The following MGMT variants were observed in gnomAD, a reference collection of about 807,000 sequenced individuals.
The protein encoded by MGMT is methylated-DNA--protein-cysteine methyltransferase.
Under a neutral mutation model 15.9 loss-of-function variants are expected in MGMT, and 14 were observed. That is an observed-to-expected ratio of 0.88 (90% confidence interval 0.58 to 1.37). MGMT has a LOEUF of 1.37. Among genes scored for constraint, MGMT ranks in the 40% most tolerant of loss-of-function variants. MGMT has a pLI of 0.00. For missense variants in MGMT, 282 were observed against 268.1 expected, an observed-to-expected ratio of 1.05 and a Z score of -0.36; for synonymous variants, 130 against 118.2, an observed-to-expected ratio of 1.10 and a Z score of -0.65.
chr10:129,735,521 T>G (rs1848550193), intron 3 of MGMT, among the ~76,000 whole-genome samples: 1 of 152,102 alleles, frequency 6.6e-6, no homozygotes, highest in African/African-American at 2.4e-5. Flanking sequence ...ACTCCTGGAT[T>G]CGTTAATTTT....
Position 129,533,133 on chromosome 10 carries a change from C to T in MGMT, c.-12-3108C>T, listed in dbSNP as rs1845950612. Among the ~76,000 whole-genome samples the T allele has an allele frequency of 6.6e-6, 1 of 152,262 alleles. No homozygotes were observed. The highest frequency in any genetic ancestry group is 2.1e-4 in the South Asian group (1 of 4,836). On this transcript the variant is annotated intron_variant, in intron 1 of 4. Transcript: ENST00000651593. The surrounding 1 kb of genome is among the most constrained non-coding windows in gnomAD (Gnocchi z 4.5). ...GTGGCAACAGTGCCAGCTGCCCTGCCTGCTGTGCCTGGTTGCCCCACAGAT... is the reference window on the plus strand; with the variant it reads ...GTGGCAACAGTGCCAGCTGCCCTGCTTGCTGTGCCTGGTTGCCCCACAGAT...
chr10:129,639,954 A>T (rs568807613), intron 2 of MGMT, among the ~76,000 whole-genome samples: 4 of 152,166 alleles, frequency 2.6e-5, no homozygotes, highest in Admixed American at 1.3e-4. Flanking sequence ...GACCAAAAAA[A>T]AAAAAAAAGA....
chr10:129,653,225 C>T (rs1488076599), intron 2 of MGMT, among the ~76,000 whole-genome samples: 1 of 152,218 alleles, frequency 6.6e-6, no homozygotes, highest in African/African-American at 2.4e-5. Context: ...GTTCTGTCAT[C>T]GAGCCTGCTC....
At chr10:129,571,728 TGTCAC>T (rs975996053) in intron 2 of MGMT, among the ~76,000 whole-genome samples, 1 of 152,232 alleles carries the variant, frequency 6.6e-6, no homozygotes, top group African/African-American at 2.4e-5. Flanking sequence ...TAGGGAACCT[TGTCAC>T]ATGTTATTTC....
intron 1 of MGMT, among the ~76,000 whole-genome samples, chr10:129,514,210 G>A (rs888028658): frequency 2.0e-5 from 3 of 152,188 alleles, no homozygotes; most frequent in Non-Finnish European, 4.4e-5. Flanking sequence ...TTTTCCTCGT[G>A]ATAGTGAGAA....
intron 4 of MGMT, among the ~76,000 whole-genome samples, chr10:129,762,484 C>A (rs1297827163): frequency 4.6e-5 from 7 of 152,152 alleles, no homozygotes; most frequent in Non-Finnish European, 8.8e-5. Flanking sequence ...GAAGGACTCA[C>A]CAGCCGGTGT....
chr10:129,570,551 A>G (rs1435604128), intron 2 of MGMT, among the ~76,000 whole-genome samples: 1 of 152,270 alleles, frequency 6.6e-6, no homozygotes, highest in Non-Finnish European at 1.5e-5. Context: ...GGTGAAGTTG[A>G]TGAAGTGAAA....
At position 129,688,838 on chromosome 10, in the gene MGMT, C is replaced by T. The variant is rs1490026272; in HGVS notation, c.126-19057C>T. On this transcript the variant is annotated intron_variant, in intron 2 of 4. Transcript: ENST00000651593. ...CACGCCTCTATCCTTTTAAGAGACACGGCAAGCATCAGACCTGAGGGACAT... is the reference window on the plus strand; with the variant it reads ...CACGCCTCTATCCTTTTAAGAGACATGGCAAGCATCAGACCTGAGGGACAT... Among the ~76,000 whole-genome samples, 6 of 152,138 alleles carry T rather than the reference C, an allele frequency of 3.9e-5. No homozygotes were observed. The East Asian group carries it at 7.7e-4, about 20-fold the overall frequency.
chr10:129,471,295 C>T (rs927501954), intron 1 of MGMT, among the ~76,000 whole-genome samples: 1 of 152,084 alleles, frequency 6.6e-6, no homozygotes, highest in Non-Finnish European at 1.5e-5. Context: ...AATTCTGGCA[C>T]GGGATGTTCA....
At chr10:129,508,747 A>G (rs570512815) in intron 1 of MGMT, among the ~76,000 whole-genome samples, 79 of 151,994 alleles carry the variant, frequency 5.2e-4, no homozygotes, top group African/African-American at 1.9e-3. Flanking sequence ...GGTTTTCACC[A>G]TGTTGGCCAG....
At chr10:129,759,699 C>T (rs912749683) in intron 4 of MGMT, among the ~76,000 whole-genome samples, 1 of 151,286 alleles carries the variant, frequency 6.6e-6, no homozygotes, top group Non-Finnish European at 1.5e-5. Context: ...GGCCCACACT[C>T]TTCTAGGTGC....
chr10:129,541,607 T>C (rs1395064190), intron 2 of MGMT, among the ~76,000 whole-genome samples: 2 of 152,356 alleles, frequency 1.3e-5, no homozygotes, highest in African/African-American at 2.4e-5. Flanking sequence ...GTAGGACTTG[T>C]AGATCTTGGA....
Position 129,523,745 on chromosome 10 carries a change from C to T in MGMT, c.-12-12496C>T, listed in dbSNP as rs536733300. On this transcript the variant is annotated intron_variant, in intron 1 of 4. Transcript: ENST00000651593. ...AGGACAGCCACAGTCCTGCCAGCTCCATAGAGAGAGCAGAGGTGGCCTCAT... is the reference window on the plus strand; with the variant it reads ...AGGACAGCCACAGTCCTGCCAGCTCTATAGAGAGAGCAGAGGTGGCCTCAT... Among the ~76,000 whole-genome samples, 161 of 152,314 alleles carry T rather than the reference C, an allele frequency of 1.1e-3. 1 individual carries two copies. The highest frequency in any genetic ancestry group is 3.7e-3 in the African/African-American group (155 of 41,574).
At chr10:129,586,994 G>T (rs567917048) in intron 2 of MGMT, among the ~76,000 whole-genome samples, 1 of 152,328 alleles carries the variant, frequency 6.6e-6, no homozygotes, top group East Asian at 1.9e-4. Context: ...ATATTTAAAA[G>T]ATATTTTTGC....
At chr10:129,682,891 C>G (rs1300230930) in intron 2 of MGMT, among the ~76,000 whole-genome samples, 1 of 152,222 alleles carries the variant, frequency 6.6e-6, no homozygotes, top group Non-Finnish European at 1.5e-5. Flanking sequence ...CTCTGTCACT[C>G]AGGCTGGAGT....
At chr10:129,734,762 T>C (rs1589965958) in intron 3 of MGMT, among the ~76,000 whole-genome samples, 1 of 152,206 alleles carries the variant, frequency 6.6e-6, no homozygotes, top group South Asian at 2.1e-4. Context: ...TGAGAGTTTT[T>C]AGCATGAAGG....
chr10:129,646,700 A>G (rs2133093924), intron 2 of MGMT, among the ~76,000 whole-genome samples: 1 of 136,244 alleles, frequency 7.3e-6, no homozygotes, highest in Admixed American at 7.7e-5. Context: ...CTCCTTCCAG[A>G]AGCCTGCTGC....
At chr10:129,691,608 G>A (rs1847970826) in intron 2 of MGMT, among the ~76,000 whole-genome samples, 1 of 152,198 alleles carries the variant, frequency 6.6e-6, no homozygotes, top group South Asian at 2.1e-4. Flanking sequence ...GTGGCCGGGG[G>A]GAGCACAAAG....
intron 2 of MGMT, among the ~76,000 whole-genome samples, chr10:129,562,698 G>T (rs1846294614): frequency 6.6e-6 from 1 of 152,178 alleles, no homozygotes; most frequent in Non-Finnish European, 1.5e-5. Flanking sequence ...AGAAGATGGG[G>T]CTGAGCCAGC....
Sources: allele counts gnomAD v4.1 joint callset (sites outside exome capture counted in the v4.1 genomes callset), GRCh38; gene constraint gnomAD v4.1.1; non-coding constraint Gnocchi (gnomAD v3.1); transcripts MANE v1.5; gene names NCBI Gene and HGNC (gene_info 2026-07-23, HGNC 2026-07-21).